Variants in PLCE1 observed in about 807,000 individuals in gnomAD.
PLCE1 encodes the protein phospholipase C epsilon 1, also known as 1-phosphatidylinositol 4,5-bisphosphate phosphodiesterase epsilon-1.
Under a neutral mutation model 242.8 loss-of-function variants are expected in PLCE1, and 119 were observed. That is an observed-to-expected ratio of 0.49 (90% confidence interval 0.42 to 0.57). PLCE1 has a LOEUF of 0.57. Among genes scored for constraint, PLCE1 ranks in the 20% least tolerant of loss-of-function variants. The pLI is 0.00. For synonymous variants in PLCE1, 945 were observed against 1,017.4 expected, an observed-to-expected ratio of 0.93 and a Z score of 1.35; for missense variants, 2,441 against 2,788.8, an observed-to-expected ratio of 0.88 and a Z score of 2.81.
chr10:94,261,563 A>G (rs1589436602), intron 13 of PLCE1, among the ~76,000 whole-genome samples: 2 of 152,192 alleles, frequency 1.3e-5, no homozygotes, highest in South Asian at 4.1e-4. Flanking sequence ...GTTTAGCTCC[A>G]TAAGAAACTG....
intron 4 of PLCE1, among the ~76,000 whole-genome samples, chr10:94,213,444 CCTGT>C (rs2049412069): frequency 6.6e-6 from 1 of 152,160 alleles, no homozygotes; most frequent in Non-Finnish European, 1.5e-5. Context: ...CCTTTTTGAA[CCTGT>C]CTATGACTCA....
intron 17 of PLCE1, 105 bp from the exon 18 acceptor site, chr10:94,270,381 C>G (rs1459877047): frequency 6.2e-6 from 5 of 810,300 alleles, no homozygotes; most frequent in Non-Finnish European, 1.1e-5. Flanking sequence ...TGGCCAGAGT[C>G]TGCTGCATGT....
chr10:94,029,663 C>G (rs2061517759), intron 1 of PLCE1, among the ~76,000 whole-genome samples: 2 of 152,064 alleles, frequency 1.3e-5, no homozygotes, highest in African/African-American at 2.4e-5. Flanking sequence ...GCCTCTCACC[C>G]TTGAGGCTGT....
chr10:94,284,926 T>TC lies in PLCE1; in HGVS notation c.4997dup (p.Asp1667Ter), dbSNP rs770772719. On this transcript the variant is annotated frameshift_variant, in exon 22 of 33. Coordinates refer to ENST00000371380, the MANE Select transcript of PLCE1 (RefSeq NM_016341.4). LOFTEE classifies it high-confidence loss of function. ...AAGCAGACAGATTGCACCAGAGCTT[T>TC]CTGACCTTGTAATCTATTGTCAAGC... 1 of 1,610,504 alleles carries TC rather than the reference T, an allele frequency of 6.2e-7. No homozygotes were observed. Among genetic ancestry groups the TC allele is most frequent in the South Asian group, 1.1e-5 (1 of 91,008 alleles).
At chr10:94,112,113 T>C (rs1053726166) in intron 2 of PLCE1, among the ~76,000 whole-genome samples, 1 of 152,198 alleles carries the variant, frequency 6.6e-6, no homozygotes, top group Non-Finnish European at 1.5e-5. Context: ...TGAATTTCCA[T>C]GATTTTTGTC....
At position 94,304,533 on chromosome 10, in the gene PLCE1, G is replaced by A. The variant is rs2053139766; in HGVS notation, c.5510G>A (p.Gly1837Asp). Residue 1837 changes from glycine to aspartate, a missense_variant, in exon 25 of 33, where the codon GGT becomes GAT. Gly to Asp is a moderately conservative substitution (Grantham distance 94). Around this residue, in one of 5 missense-constraint regions of PLCE1, gnomAD observed 1,004 missense variants for 1,322.7 expected, o/e 0.76. Coordinates refer to ENST00000371380, the MANE Select transcript of PLCE1 (RefSeq NM_016341.4). ...AAMFEANGGC[G>D]YVLKPPVLWD... ...ATGTTTGAGGCAAATGGTGGTTGTG[G>A]TTATGTATTGAAACCTCCAGTTCTG... 1 of 1,613,990 alleles carries A rather than the reference G, an allele frequency of 6.2e-7. No homozygotes were observed. The highest frequency in any genetic ancestry group is 8.5e-7 in the Non-Finnish European group (1 of 1,179,882).
chr10:94,095,974 G>T (rs917931584), intron 2 of PLCE1, among the ~76,000 whole-genome samples: 5 of 152,190 alleles, frequency 3.3e-5, no homozygotes, highest in African/African-American at 9.7e-5. Context: ...CAGATCTGGA[G>T]TTGAGGGAGG....
intron 4 of PLCE1, among the ~76,000 whole-genome samples, chr10:94,185,249 A>G (rs939929616): frequency 1.3e-5 from 2 of 152,276 alleles, no homozygotes; most frequent in Non-Finnish European, 2.9e-5. Flanking sequence ...TGTAATAACC[A>G]GCATTTTAAG....
chr10:94,195,460 A>C (rs890097245), intron 4 of PLCE1, among the ~76,000 whole-genome samples: 1 of 152,164 alleles, frequency 6.6e-6, no homozygotes, highest in Non-Finnish European at 1.5e-5. Flanking sequence ...TAGAAGCAGA[A>C]GTTTGGATCT....
chr10:94,313,870 GC>G (rs1172340828), intron 28 of PLCE1, among the ~76,000 whole-genome samples: 1 of 152,112 alleles, frequency 6.6e-6, no homozygotes, highest in African/African-American at 2.4e-5. Flanking sequence ...GACATTTTCT[GC>G]CCCTCCAGCC....
At chr10:94,070,847 T>A (rs917155254) in intron 2 of PLCE1, among the ~76,000 whole-genome samples, 4 of 152,140 alleles carry the variant, frequency 2.6e-5, no homozygotes, top group Non-Finnish European at 5.9e-5. Flanking sequence ...AATTCCCATA[T>A]CTCTTTTTTC....
At chr10:94,250,373 G>A (rs370204218) in intron 8 of PLCE1, among the ~76,000 whole-genome samples, 137 of 151,762 alleles carry the variant, frequency 9.0e-4, no homozygotes, top group African/African-American at 2.7e-3. Context: ...GTGGTGGTAC[G>A]CACCTGTAAT....
chr10:94,156,272 A>C (rs2047431423), intron 3 of PLCE1, among the ~76,000 whole-genome samples: 1 of 152,200 alleles, frequency 6.6e-6, no homozygotes. Flanking sequence ...AGCATCAGAC[A>C]CCACGGGTTA....
intron 1 of PLCE1, among the ~76,000 whole-genome samples, chr10:94,011,494 T>C (rs113958699): frequency 1.1e-3 from 172 of 152,184 alleles, no homozygotes; most frequent in African/African-American, 4.0e-3. Context: ...CTTGCTATGC[T>C]TAACCACAAC....
chr10:94,038,032 T>C (rs2061697428), intron 2 of PLCE1, among the ~76,000 whole-genome samples: 1 of 152,118 alleles, frequency 6.6e-6, no homozygotes, highest in Non-Finnish European at 1.5e-5. Context: ...TGAAAAGAAT[T>C]AGATCCAGTG....
At chr10:94,192,556 G>T (rs1296231685) in intron 4 of PLCE1, among the ~76,000 whole-genome samples, 1 of 152,126 alleles carries the variant, frequency 6.6e-6, no homozygotes, top group African/African-American at 2.4e-5. Flanking sequence ...GTATTCCATG[G>T]TATATACGTA....
In PLCE1 at chr10:94,328,175, A is replaced by G. The variant is rs1367591988; in HGVS notation, c.*232A>G. 15 of 294,818 alleles carry G rather than the reference A, an allele frequency of 5.1e-5. No homozygotes were observed. The South Asian group carries it at 5.2e-4, about 10-fold the overall frequency. 18.3% of individuals were successfully genotyped at this position (294,818 alleles called of 1,614,324 possible). A position where few individuals can be genotyped will look rare whatever the true frequency, so the allele number is the denominator to read the frequency against. Reference sequence around the variant, plus strand: ...AAGCCCAGGGGACTGCCATTTTATAAATGTCAGCAGTTGGAAAAATCGTCA... The same window carrying G: ...AAGCCCAGGGGACTGCCATTTTATAGATGTCAGCAGTTGGAAAAATCGTCA... On this transcript the variant is annotated 3_prime_UTR_variant, in exon 33 of 33. Coordinates refer to ENST00000371380, the MANE Select transcript of PLCE1 (RefSeq NM_016341.4).
chr10:94,076,973 A>C (rs2044522262), intron 2 of PLCE1, among the ~76,000 whole-genome samples: 1 of 152,236 alleles, frequency 6.6e-6, no homozygotes, highest in Non-Finnish European at 1.5e-5. Context: ...ATAAAGTACA[A>C]GAGGAAAGCC....
chr10:94,230,949 A>G (rs1461840427), intron 5 of PLCE1, among the ~76,000 whole-genome samples: 1 of 152,152 alleles, frequency 6.6e-6, no homozygotes, highest in Admixed American at 6.5e-5. Context: ...GAGACACATA[A>G]TACATGAATC....
Sources: allele counts gnomAD v4.1 joint callset (sites outside exome capture counted in the v4.1 genomes callset), GRCh38; gene constraint gnomAD v4.1.1; regional missense constraint gnomAD v4.1.1; transcripts MANE v1.5; gene names NCBI Gene and HGNC (gene_info 2026-07-23, HGNC 2026-07-21).